DNAH14: variants seen among roughly 807,000 people sequenced by gnomAD.
DNAH14 encodes axonemal beta dynein heavy chain 14.
DNAH14 carries 478 observed loss-of-function variants against 520.9 expected under a neutral mutation model. The observed-to-expected ratio is 0.92, with a 90% CI of 0.85 to 0.99. The LOEUF (loss-of-function observed/expected upper bound fraction) is 0.99. Ranked by LOEUF, DNAH14 falls within the 50% of genes least tolerant of loss-of-function variation. DNAH14 has a pLI of 0.00. For missense variants in DNAH14, 4,831 were observed against 5,234.5 expected (o/e 0.92, Z 2.38); for synonymous variants, 1,581 against 1,757.2 (o/e 0.90, Z 2.51).
At chr1:225,020,511 A>AAAC (rs2065593157) in intron 10 of DNAH14, among the ~76,000 whole-genome samples, 1 of 149,136 alleles carries the variant, frequency 6.7e-6, no homozygotes. Flanking sequence ...AAAAAAAAAA[A>AAAC]AAAAACAACT....
rs546069932 is a variant in DNAH14 at position 225,219,068 on chromosome 1, G to A, written c.6439+11848G>A. ...TCTGAACGACTACTGGGTAAATAAC[G>A]AAATTATTAGCTAGGTAAATAACAG... On this transcript the variant is annotated intron_variant, in intron 41 of 85. Coordinates refer to ENST00000682510, the MANE Select transcript of DNAH14 (RefSeq NM_001367479.1). Among the ~76,000 whole-genome samples, 46 of 152,202 alleles carry A rather than the reference G, an allele frequency of 3.0e-4. No individual in the cohort carries two copies. In the South Asian group the frequency reaches 8.5e-3, roughly 28 times the overall value.
chr1:225,273,589 G>A (rs1279579677), intron 52 of DNAH14, among the ~76,000 whole-genome samples: 2 of 152,146 alleles, frequency 1.3e-5, no homozygotes, highest in Admixed American at 1.3e-4. Flanking sequence ...CTATAGATAT[G>A]CTGGAGAGGA....
chr1:225,010,556 C>T (rs2064634559), intron 10 of DNAH14, among the ~76,000 whole-genome samples: 1 of 151,934 alleles, frequency 6.6e-6, no homozygotes, highest in African/African-American at 2.4e-5. Flanking sequence ...CTGAAATTTT[C>T]TTTTTTTGTT....
intron 17 of DNAH14, among the ~76,000 whole-genome samples, chr1:225,076,749 C>T (rs1315951839): frequency 6.6e-6 from 1 of 151,914 alleles, no homozygotes; most frequent in Non-Finnish European, 1.5e-5. Flanking sequence ...ATTTATATTT[C>T]CTGAGGGTTT....
At chr1:224,999,619 T>C (rs1287443994) in intron 8 of DNAH14, among the ~76,000 whole-genome samples, 1 of 152,192 alleles carries the variant, frequency 6.6e-6, no homozygotes, top group Non-Finnish European at 1.5e-5. Flanking sequence ...GCCATTTTTT[T>C]TATTCTGTTC....
chr1:225,322,957 C>T, intron 62 of DNAH14, 134 bp downstream of exon 62: 1 of 996,936 alleles, frequency 1.0e-6, no homozygotes, highest in Non-Finnish European at 1.4e-6. Context: ...TTCTTCCAGG[C>T]AAGAGAGGAG....
chr1:225,259,047 T>C, intron 45 of DNAH14, 74 bp from the exon 46 acceptor site: 1 of 1,368,142 alleles, frequency 7.3e-7, no homozygotes. Context: ...GAGAATGTTA[T>C]TGGTTCATTT....
At chr1:225,319,846 C>A (rs546443012) in intron 61 of DNAH14, among the ~76,000 whole-genome samples, 2 of 152,086 alleles carry the variant, frequency 1.3e-5, no homozygotes, top group African/African-American at 4.8e-5. Flanking sequence ...GAAGAGTGTT[C>A]CAAGCAGAGG....
intron 1 of DNAH14, among the ~76,000 whole-genome samples, chr1:224,944,491 A>G (rs1323258286): frequency 1.3e-5 from 2 of 150,598 alleles, no homozygotes; most frequent in East Asian, 3.9e-4. Context: ...GCCCATTTAC[A>G]TTTCAGGTTA....
At chr1:225,003,619 A>G (rs2063934810) in intron 9 of DNAH14, among the ~76,000 whole-genome samples, 1 of 152,112 alleles carries the variant, frequency 6.6e-6, no homozygotes, top group South Asian at 2.1e-4. Context: ...AGAATTGATT[A>G]TGTGTAATGA....
chr1:225,367,920 G>A lies in DNAH14; in HGVS notation c.12206G>A (p.Trp4069Ter). ...IFENPDCGQW[W>*]KKLLFSLCFF... ...GAAAATCCTGACTGTGGACAATGGTGGAAAAAACTTTTATTTAGCCTATGT... is the reference window on the plus strand; with the variant it reads ...GAAAATCCTGACTGTGGACAATGGTAGAAAAAACTTTTATTTAGCCTATGT... Residue 4069 changes from tryptophan to a stop codon, truncating the protein, a stop_gained, in exon 77 of 86, where the codon TGG (tryptophan) becomes TAG (stop). Coordinates refer to ENST00000682510, the MANE Select transcript of DNAH14 (RefSeq NM_001367479.1). LOFTEE classifies it high-confidence loss of function. 1 of 1,551,456 alleles carries A rather than the reference G, an allele frequency of 6.4e-7. No individual in the cohort carries two copies. Among genetic ancestry groups the A allele is most frequent in the East Asian group, 2.4e-5 (1 of 40,908 alleles).
chr1:225,186,274 T>C (rs922693443), intron 37 of DNAH14, among the ~76,000 whole-genome samples: 5 of 151,776 alleles, frequency 3.3e-5, no homozygotes, highest in Non-Finnish European at 5.9e-5. Flanking sequence ...CATGTAGTAG[T>C]TCATAATCTT....
At chr1:225,252,849 C>CAA (rs2092607095) in intron 44 of DNAH14, among the ~76,000 whole-genome samples, 1 of 152,102 alleles carries the variant, frequency 6.6e-6, no homozygotes, top group African/African-American at 2.4e-5. Flanking sequence ...TACATATATG[C>CAA]TAAATTGTTT....
Position 225,324,211 on chromosome 1 carries a change from G to A in DNAH14, c.9496-11G>A, listed in dbSNP as rs2094609355. 3.2e-6 allele frequency: 5 copies of A among 1,551,324 alleles called. No homozygotes were observed. Among genetic ancestry groups the A allele is most frequent in the Non-Finnish European group, 4.4e-6 (5 of 1,146,838 alleles). On this transcript the variant is annotated splice_polypyrimidine_tract_variant and intron_variant, in intron 62 of 85. Coordinates refer to ENST00000682510, the MANE Select transcript of DNAH14 (RefSeq NM_001367479.1). ...CTTTCTCATGTAATACATTAACTGT[G>A]TTCTCTCTAGGTTTTCGTGAAGCTA... is the stretch of plus-strand genomic sequence containing the variant.
At chr1:225,398,442 G>T in intron 84 of DNAH14, 78 bp from the exon 85 acceptor site, 1 of 1,497,386 alleles carries the variant, frequency 6.7e-7, no homozygotes, top group Non-Finnish European at 9.0e-7. Context: ...TGGATCGGTC[G>T]GCTCAATTCC....
chr1:225,253,180 CAATA>C (rs1205159559), intron 44 of DNAH14, among the ~76,000 whole-genome samples: 2 of 152,130 alleles, frequency 1.3e-5, no homozygotes, highest in Non-Finnish European at 2.9e-5. Flanking sequence ...TATTTTGTTA[CAATA>C]AATATTAGCG....
chr1:225,062,550 GAAAA>G (rs34829728), intron 17 of DNAH14, among the ~76,000 whole-genome samples: 1 of 151,490 alleles, frequency 6.6e-6, no homozygotes, highest in African/African-American at 2.4e-5. Flanking sequence ...AAGCTATGAA[GAAAA>G]AAAAAGCCCC....
intron 26 of DNAH14, among the ~76,000 whole-genome samples, chr1:225,122,428 T>C (rs2077372128): frequency 1.3e-5 from 2 of 152,294 alleles, no homozygotes; most frequent in African/African-American, 2.4e-5. Context: ...CACAAACTAC[T>C]TGTGACACTC....
In DNAH14 at chr1:225,258,067, T is replaced by C; in HGVS notation, c.6973T>C (p.Ser2325Pro). ...CGCTACCAGAGACACAACATGCCTT[T>C]CTTTTCTCATGAGCCTTCTTTTAAA... ...YTATRDTTCLSFLMSLLLKNS... is the reference protein window; with the variant it reads ...YTATRDTTCLPFLMSLLLKNS... The change falls in exon 45 of 86, where the codon TCT becomes CCT. Residue 2325 changes from serine to proline, a missense_variant. Physicochemically the swap from Ser to Pro is moderately conservative, Grantham distance 74. Transcript: ENST00000682510. 2 of 1,548,766 alleles carry C rather than the reference T, an allele frequency of 1.3e-6. No individual in the cohort carries two copies. Among genetic ancestry groups the C allele is most frequent in the East Asian group, 2.5e-5 (1 of 40,548 alleles).
Sources: gnomAD v4.1 joint callset for allele counts (sites outside exome capture counted in the v4.1 genomes callset) on GRCh38, gnomAD v4.1.1 for gene constraint, MANE v1.5 for transcripts, NCBI Gene and HGNC (gene_info 2026-07-23, HGNC 2026-07-21) for gene names.